Variants in ZNF469 observed in about 807,000 individuals in gnomAD.
ZNF469 encodes the protein zinc finger protein 469.
Under a neutral mutation model 1.0 loss-of-function variants are expected in ZNF469, and 1 was observed. That is an observed-to-expected ratio of 1.00 (90% CI 0.35 to 4.73). The LOEUF is 4.73. Ranked by LOEUF, ZNF469 falls within the 30% of genes most tolerant of loss-of-function variation. The pLI, the probability that ZNF469 is intolerant of heterozygous loss-of-function variation, is 0.16. For missense variants in ZNF469, 6,100 were observed against 5,356.3 expected (o/e 1.14, Z -4.33); for synonymous variants, 2,703 against 2,363.4 (o/e 1.14, Z -4.17).
rs1042676401 is a variant in ZNF469, at chr16:88,428,991, C to T, written c.1521C>T (p.Pro507=). ...AGATGCTGAGCCGGCTGCCTTTCCC[C>T]GCGGGGGGCCCCGAGTGGCAGGGGG... is the stretch of plus-strand genomic sequence containing the variant. ...GMEMLSRLPF[P]AGGPEWQGGS... is the part of the protein sequence containing the mutation. Residue 507 remains proline (P), a synonymous_variant, in exon 3 of 3, where the codon CCC becomes CCT. Transcript: ENST00000565624. 118 of 1,549,262 alleles carry T rather than the reference C, an allele frequency of 7.6e-5. No homozygotes were observed. Among genetic ancestry groups the T allele is most frequent in the East Asian group, 3.4e-4 (14 of 40,900 alleles).
chr16:88,305,563 C>T, the ZNF469 span, among the ~76,000 whole-genome samples: 5 of 145,290 alleles, frequency 3.4e-5, no homozygotes, highest in Admixed American at 1.4e-4. Flanking sequence ...CACCCTCACA[C>T]GTGCACACAC....
At chr16:88,352,116 T>C in the ZNF469 span, among the ~76,000 whole-genome samples, 1 of 151,902 alleles carries the variant, frequency 6.6e-6, no homozygotes, top group Non-Finnish European at 1.5e-5. Context: ...TGCGAGGGGC[T>C]GGGGGCGGGG....
rs1013704911 is a variant in ZNF469, at chr16:88,436,893, G to A, written c.9423G>A (p.Pro3141=). 6.7e-6 allele frequency: 10 copies of A among 1,503,146 alleles called. No homozygotes were observed. The highest frequency in any genetic ancestry group is 2.5e-5 in the East Asian group (1 of 40,418). 93.1% of individuals were successfully genotyped at this position (1,503,146 alleles called of 1,614,324 possible). The change falls in exon 3 of 3, where the codon CCG becomes CCA. Residue 3141 remains proline, a synonymous_variant. Transcript: ENST00000565624. ...ACAAGCTGGCCCACACGCCCGCGCC[G>A]CCGCCCACCTGCTACATGTGCGTGG... The part of the protein sequence containing the change: ...DLHKLAHTPA[P]PPTCYMCVER...
the ZNF469 span, among the ~76,000 whole-genome samples, chr16:88,376,428 C>T: frequency 6.6e-6 from 1 of 152,182 alleles, no homozygotes; most frequent in African/African-American, 2.4e-5. Context: ...AGGCCGCTGT[C>T]CCTCTCCTCG....
the ZNF469 span, among the ~76,000 whole-genome samples, chr16:88,108,130 CGTCTGTGGGG>C: frequency 3.2e-4 from 35 of 108,596 alleles, 1 homozygote; most frequent in African/African-American, 1.3e-3. Context: ...TGGAGGTGCA[CGTCTGTGGGG>C]ATGTGGGGAT....
the ZNF469 span, among the ~76,000 whole-genome samples, chr16:88,162,515 G>C: frequency 1.3e-5 from 2 of 152,064 alleles, no homozygotes; most frequent in Admixed American, 1.3e-4. Context: ...AAAACATTTT[G>C]CTTTAATATA....
At chr16:88,279,463 C>G in the ZNF469 span, among the ~76,000 whole-genome samples, 1 of 149,986 alleles carries the variant, frequency 6.7e-6, no homozygotes, top group Non-Finnish European at 1.5e-5. Flanking sequence ...TGCTGTGTCA[C>G]GCCGACGCTC....
the ZNF469 span, among the ~76,000 whole-genome samples, chr16:88,223,987 T>C: frequency 6.6e-6 from 1 of 152,204 alleles, no homozygotes; most frequent in Admixed American, 6.5e-5. Flanking sequence ...TTATTAGTTT[T>C]CCATTCGCCC....
rs368877287 is a variant in ZNF469, at chr16:88,431,892, G to A, written c.4422G>A (p.Ala1474=). Residue 1474 remains alanine (A), a synonymous_variant, in exon 3 of 3, where the codon GCG becomes GCA. Coordinates refer to ENST00000565624, the MANE Select transcript of ZNF469 (RefSeq NM_001367624.2). The part of the protein sequence containing the change: ...FDPPLYGSLS[A]NRDSGLPFAC... ...CACCCCTCTATGGCAGCCTGTCTGC[G>A]AACAGGGACTCCGGTCTGCCGTTCG... The A allele has an allele frequency of 7.9e-5, 123 of 1,549,684 alleles. No homozygotes were observed. The highest frequency in any genetic ancestry group is 1.4e-4 in the African/African-American group (10 of 73,024).
chr16:88,387,844 C>A (rs1246817848), intron 1 of ZNF469, among the ~76,000 whole-genome samples: 3 of 152,148 alleles, frequency 2.0e-5, no homozygotes, highest in Non-Finnish European at 4.4e-5. Context: ...TGCCCCCCGC[C>A]GTGGAGGAAC....
At chr16:88,209,337 C>T in the ZNF469 span, among the ~76,000 whole-genome samples, 6 of 151,602 alleles carry the variant, frequency 4.0e-5, no homozygotes, top group East Asian at 9.7e-4. Context: ...GTTGCCCAGG[C>T]TGGAGTGCAG....
rs1256023302 is a variant in ZNF469 at position 88,432,697 on chromosome 16, C to T, written c.5227C>T (p.Pro1743Ser). 1.3e-6 allele frequency: 2 copies of T among 1,550,306 alleles called. No homozygotes were observed. The highest frequency in any genetic ancestry group is 1.7e-6 in the Non-Finnish European group (2 of 1,146,996). ...TGCCGGGAGTTTAGCAAAGTGCAGC[C>T]CCGACCAGGAACTTTCATTTCCTAA... The part of the protein sequence containing the change: ...LDAGSLAKCS[P>S]DQELSFPKNK... The change falls in exon 3 of 3, where the codon CCC (proline) becomes TCC (serine). Residue 1743 changes from proline (P) to serine (S), a missense_variant. Pro to Ser is a moderately conservative substitution (Grantham distance 74, BLOSUM62 -1). Coordinates refer to ENST00000565624, the MANE Select transcript of ZNF469 (RefSeq NM_001367624.2).
chr16:88,126,527 C>T, the ZNF469 span, among the ~76,000 whole-genome samples: 2 of 142,394 alleles, frequency 1.4e-5, no homozygotes, highest in Middle Eastern at 6.9e-3. Flanking sequence ...AAAGCCTTTA[C>T]TGCATCTTCC....
the ZNF469 span, among the ~76,000 whole-genome samples, chr16:88,153,504 A>G: frequency 6.6e-6 from 1 of 152,222 alleles, no homozygotes; most frequent in African/African-American, 2.4e-5. Context: ...GAGTGGGTAG[A>G]AGGATGCACC....
the ZNF469 span, among the ~76,000 whole-genome samples, chr16:88,151,127 C>T: frequency 1.3e-5 from 2 of 152,354 alleles, no homozygotes; most frequent in African/African-American, 2.4e-5. This position sits in a 1 kb window ranked among gnomAD's most constrained non-coding sequence, Gnocchi z 5.4. Flanking sequence ...GCTCCTCTGC[C>T]GGCTCAACCC....
At chr16:88,396,516 CGGAGACCCGTCTGAAGGGAGGCCGGGA>C (rs1904666696) in intron 1 of ZNF469, among the ~76,000 whole-genome samples, 1 of 101,916 alleles carries the variant, frequency 9.8e-6, no homozygotes. Context: ...GGAGGCCAGG[CGGAGACCCGTCTGAAGGGAGGCCGGGA>C]GGAGACCCTC....
chr16:88,305,439 C>T, the ZNF469 span, among the ~76,000 whole-genome samples: 1 of 151,088 alleles, frequency 6.6e-6, no homozygotes, highest in Non-Finnish European at 1.5e-5. Context: ...CACACACGTG[C>T]ACACATGCTC....
the ZNF469 span, among the ~76,000 whole-genome samples, chr16:88,328,238 C>T: frequency 1.3e-5 from 2 of 152,358 alleles, no homozygotes; most frequent in East Asian, 1.9e-4. Context: ...GCTTTCTGCA[C>T]GTGTACTGTA....
At chr16:88,346,560 C>T in the ZNF469 span, among the ~76,000 whole-genome samples, 1 of 152,198 alleles carries the variant, frequency 6.6e-6, no homozygotes, top group Non-Finnish European at 1.5e-5. Context: ...GCGCTGTTGC[C>T]CAGGCTGGAG....
Sources: gnomAD v4.1 joint callset for allele counts (sites outside exome capture counted in the v4.1 genomes callset) on GRCh38, gnomAD v4.1.1 for gene constraint, Gnocchi (gnomAD v3.1) non-coding constraint, MANE v1.5 for transcripts, NCBI Gene and HGNC (gene_info 2026-07-23, HGNC 2026-07-21) for gene names.